Variants in PAX2 observed in about 807,000 individuals in gnomAD.
PAX2 encodes paired box protein Pax-2.
PAX2 carries 9 observed loss-of-function variants against 41.7 expected under a neutral mutation model. The observed-to-expected ratio is 0.22, with a 90% CI of 0.13 to 0.38. PAX2 has a LOEUF of 0.38. Among genes scored for constraint, PAX2 ranks in the 10% least tolerant of loss-of-function variants. The pLI, the probability that PAX2 is intolerant of heterozygous loss-of-function variation, is 1.00. For missense variants in PAX2, 418 were observed against 531.6 expected, an observed-to-expected ratio of 0.79 and a Z score of 2.10; for synonymous variants, 221 against 212.7, an observed-to-expected ratio of 1.04 and a Z score of -0.34.
Position 100,750,153 on chromosome 10 carries a change from GCAGCCC to G in PAX2, c.212+240_212+245del, listed in dbSNP as rs1340734518. Among the ~76,000 whole-genome samples the G allele has an allele frequency of 6.6e-6, 1 of 152,144 alleles. No individual in the cohort carries two copies. Among genetic ancestry groups the G allele is most frequent in the Non-Finnish European group, 1.5e-5 (1 of 68,032 alleles). On this transcript the variant is annotated intron_variant, in intron 2 of 9. Transcript: ENST00000355243. This position sits in a 1 kb window ranked among gnomAD's most constrained non-coding sequence, Gnocchi z 4.1. ...CCTGCCCCTGGTCCCTGGTGAGAAG[GCAGCCC>G]GTTTCTGGCTTCAGAAAGGGAAGGA...
At chr10:100,807,663 A>G (rs976365083) in intron 6 of PAX2, among the ~76,000 whole-genome samples, 2 of 152,230 alleles carry the variant, frequency 1.3e-5, no homozygotes, top group East Asian at 3.9e-4. Flanking sequence ...CTCCACCCAC[A>G]TACGCTGGGT....
Position 100,828,431 on chromosome 10 carries a change from G to C in PAX2, c.*812G>C. Reference sequence around the variant, plus strand: ...GCTGCGAGACCCGGCTCTCAGCCCTGCCTTGCCCCTACCTCAGCGTCTCTT... The same window carrying C: ...GCTGCGAGACCCGGCTCTCAGCCCTCCCTTGCCCCTACCTCAGCGTCTCTT... On this transcript the variant is annotated 3_prime_UTR_variant, in exon 10 of 10. Transcript: ENST00000355243. This position sits in a 1 kb window ranked among gnomAD's most constrained non-coding sequence, Gnocchi z 6.5. 4.3e-6 allele frequency: 1 copy of C among 234,576 alleles called. No individual in the cohort carries two copies. The highest frequency in any genetic ancestry group is 8.4e-6 in the Non-Finnish European group (1 of 119,074). 14.5% of individuals were successfully genotyped at this position (234,576 alleles called of 1,614,324 possible). A position where few individuals can be genotyped will look rare whatever the true frequency, so the allele number is the denominator to read the frequency against.
intron 3 of PAX2, among the ~76,000 whole-genome samples, chr10:100,778,227 G>A (rs1013873824): frequency 2.6e-4 from 39 of 152,128 alleles, no homozygotes; most frequent in African/African-American, 8.5e-4. Context: ...TGTCCTTTCC[G>A]CCATCCTCTG....
chr10:100,781,199 C>G, intron 4 of PAX2, 47 bp from the exon 5 acceptor site: 2 of 1,610,204 alleles, frequency 1.2e-6, no homozygotes, highest in Non-Finnish European at 1.7e-6. Flanking sequence ...ACGATCACAA[C>G]TGCTAAACTG....
At chr10:100,793,827 G>C (rs1335382648) in intron 5 of PAX2, among the ~76,000 whole-genome samples, 1 of 152,166 alleles carries the variant, frequency 6.6e-6, no homozygotes, top group African/African-American at 2.4e-5. Flanking sequence ...GTGGGCCCAG[G>C]TGCCCAGTGT....
At chr10:100,769,304 T>C (rs1174228975) in intron 3 of PAX2, among the ~76,000 whole-genome samples, 1 of 152,236 alleles carries the variant, frequency 6.6e-6, no homozygotes. Context: ...TAAGTGTATA[T>C]TGGCCCACTG....
At chr10:100,799,789 CTTTTTTTTT>C (rs56012188) in intron 5 of PAX2, among the ~76,000 whole-genome samples, 27 of 89,896 alleles carry the variant, frequency 3.0e-4, no homozygotes, top group African/African-American at 8.8e-4. Context: ...TAGTGTAATT[CTTTTTTTTT>C]TTTTTTTTTT....
At chr10:100,819,073 C>A (rs1427850085) in intron 7 of PAX2, among the ~76,000 whole-genome samples, 1 of 151,800 alleles carries the variant, frequency 6.6e-6, no homozygotes, top group South Asian at 2.1e-4. Context: ...ATGGCAAAAC[C>A]CTGTCTCTAC....
Position 100,805,955 on chromosome 10 carries a change from C to T in PAX2, c.617-475C>T, listed in dbSNP as rs184022240. On this transcript the variant is annotated intron_variant, in intron 5 of 9. Coordinates refer to ENST00000355243, the MANE Select transcript of PAX2 (RefSeq NM_000278.5). ...CCAGTCTCCAGGTTACACTCGGCCT[C>T]GGAAATTTGATGGTTTTCAACCCTT... 2.8e-3 allele frequency among the ~76,000 whole-genome samples: 421 copies of T among 152,280 alleles called. 1 individual carries two copies. The highest frequency in any genetic ancestry group is 9.2e-3 in the African/African-American group (381 of 41,564).
Position 100,809,484 on chromosome 10 carries a change from C to T in PAX2, c.919+248C>T, listed in dbSNP as rs114741914. ...TAGGAGGGGCTGTTGCCAGTTCTTC[C>T]TCCTGTCCTTCGCCTCTCCCTTTGT... is the stretch of plus-strand genomic sequence containing the variant. On this transcript the variant is annotated intron_variant, in intron 7 of 9. Coordinates refer to ENST00000355243, the MANE Select transcript of PAX2 (RefSeq NM_000278.5). Among the ~76,000 whole-genome samples the T allele has an allele frequency of 3.9e-3, 595 of 152,368 alleles. 5 individuals are homozygous for T. Among genetic ancestry groups the T allele is most frequent in the Middle Eastern group, 0.02 (6 of 294 alleles).
chr10:100,782,530 G>T (rs973713869), intron 5 of PAX2, among the ~76,000 whole-genome samples: 9 of 152,268 alleles, frequency 5.9e-5, no homozygotes, highest in African/African-American at 1.9e-4. Context: ...AGCCTAGGCT[G>T]AGGGAAGAGA....
At chr10:100,809,068 C>G (rs192362854) in intron 6 of PAX2, 42 bp from the exon 7 acceptor site, 1 of 1,599,638 alleles carries the variant, frequency 6.3e-7, no homozygotes, top group Admixed American at 1.7e-5. Flanking sequence ...TTTCTCTGTG[C>G]GTGCATCAAT....
chr10:100,782,977 C>T (rs1241145521), intron 5 of PAX2, among the ~76,000 whole-genome samples: 1 of 152,210 alleles, frequency 6.6e-6, no homozygotes. Context: ...GCCACAGATA[C>T]CCCTCTGTAC....
chr10:100,799,664 G>A (rs4917911), intron 5 of PAX2, among the ~76,000 whole-genome samples: 140,335 of 152,262 alleles, frequency 0.92, 64,755 homozygotes, highest in East Asian at 1. Context: ...AATGAGAGTA[G>A]TAATAAGTAC....
chr10:100,755,740 A>G (rs570950392), intron 3 of PAX2, among the ~76,000 whole-genome samples: 2 of 152,300 alleles, frequency 1.3e-5, no homozygotes, highest in African/African-American at 4.8e-5. Context: ...AAACCAATCA[A>G]TAACTCTGTA....
chr10:100,741,605 G>T (rs1335437605), upstream of PAX2, among the ~76,000 whole-genome samples: 2 of 152,114 alleles, frequency 1.3e-5, no homozygotes, highest in Admixed American at 6.5e-5. Context: ...GGGGTGCGCC[G>T]GGACCCAGAG....
chr10:100,826,320 G>A lies in PAX2; in HGVS notation c.1022-689G>A, dbSNP rs1473424808. Reference sequence around the variant, plus strand: ...ATCACACAGGAGAAAGGGCGAGGGGGAAACCTGGAGGCCTGGCCTTTCTCC... The same window carrying A: ...ATCACACAGGAGAAAGGGCGAGGGGAAAACCTGGAGGCCTGGCCTTTCTCC... On this transcript the variant is annotated intron_variant, in intron 8 of 9. Coordinates refer to ENST00000355243, the MANE Select transcript of PAX2 (RefSeq NM_000278.5). This position sits in a 1 kb window ranked among gnomAD's most constrained non-coding sequence, Gnocchi z 5.5. Among the ~76,000 whole-genome samples, 2 of 151,994 alleles carry A rather than the reference G, an allele frequency of 1.3e-5. No individual in the cohort carries two copies. Among genetic ancestry groups the A allele is most frequent in the East Asian group, 3.9e-4 (2 of 5,150 alleles).
chr10:100,780,854 G>C (rs575704796), intron 4 of PAX2, among the ~76,000 whole-genome samples: 8 of 152,292 alleles, frequency 5.3e-5, no homozygotes, highest in Admixed American at 4.6e-4. Context: ...GCTGTGCAAG[G>C]GGGTATCCAA....
Position 100,828,673 on chromosome 10 carries a change from T to A in PAX2, c.*1054T>A, listed in dbSNP as rs546860516. On this transcript the variant is annotated 3_prime_UTR_variant, in exon 10 of 10. Coordinates refer to ENST00000355243, the MANE Select transcript of PAX2 (RefSeq NM_000278.5). The surrounding 1 kb of genome is among the most constrained non-coding windows in gnomAD (Gnocchi z 6.5). Reference sequence around the variant, plus strand: ...CAATCTGCCGGTGGTAAGAACCGGTTCTGAGCTGGCGTCTGAGCTGCTGCG... The same window carrying A: ...CAATCTGCCGGTGGTAAGAACCGGTACTGAGCTGGCGTCTGAGCTGCTGCG... 1 of 233,388 alleles carries A rather than the reference T, an allele frequency of 4.3e-6. No individual in the cohort carries two copies. The highest frequency in any genetic ancestry group is 1.8e-4 in the South Asian group (1 of 5,530). 14.5% of individuals were successfully genotyped at this position (233,388 alleles called of 1,614,324 possible).
Sources: gnomAD v4.1 joint callset for allele counts (sites outside exome capture counted in the v4.1 genomes callset) on GRCh38, gnomAD v4.1.1 for gene constraint, Gnocchi (gnomAD v3.1) non-coding constraint, MANE v1.5 for transcripts, NCBI Gene and HGNC (gene_info 2026-07-23, HGNC 2026-07-21) for gene names.